The following CUL1 variants were observed in gnomAD, a reference collection of about 807,000 sequenced individuals.
The protein encoded by CUL1 is cullin 1.
Under a neutral mutation model 118.0 loss-of-function variants are expected in CUL1, and 24 were observed. That is an observed-to-expected ratio of 0.20 (90% CI 0.15 to 0.29). The LOEUF (loss-of-function observed/expected upper bound fraction) is 0.29. CUL1 is among the 10% of genes least tolerant of loss of function. The pLI is 1.00. For missense variants in CUL1, 361 were observed against 933.8 expected, an observed-to-expected ratio of 0.39 and a Z score of 7.99; for synonymous variants, 332 against 340.4, an observed-to-expected ratio of 0.98 and a Z score of 0.27.
rs535328276 is a variant in CUL1 at position 148,758,071 on chromosome 7, C to T, written c.483+921C>T. On this transcript the variant is annotated intron_variant, in intron 4 of 21. Transcript: ENST00000325222. ...CACCTGGGGACTTGTTAGAAATGCA[C>T]ATTCTCAGGCCTCATCCTAGACTTA... Among the ~76,000 whole-genome samples, 20 of 152,282 alleles carry T rather than the reference C, an allele frequency of 1.3e-4. No homozygotes were observed. In the East Asian group the frequency reaches 3.9e-3, roughly 29 times the overall value.
intron 1 of CUL1, among the ~76,000 whole-genome samples, chr7:148,723,011 A>G (rs1202481216): frequency 1.3e-5 from 2 of 152,234 alleles, no homozygotes; most frequent in South Asian, 2.1e-4. Context: ...TTAGATTTCT[A>G]CTAAAGTAAT....
chr7:148,746,952 G>T (rs904278788), intron 2 of CUL1, among the ~76,000 whole-genome samples: 1 of 152,184 alleles, frequency 6.6e-6, no homozygotes, highest in Non-Finnish European at 1.5e-5. Context: ...AACTAAGTTT[G>T]ACAAATAGCT....
At chr7:148,789,958 G>A in intron 15 of CUL1, 132 bp downstream of exon 15, 2 of 839,988 alleles carry the variant, frequency 2.4e-6, no homozygotes, top group East Asian at 4.8e-5. Flanking sequence ...AACCATGGGG[G>A]CAACACTCAG....
chr7:148,724,101 A>G (rs989097168), intron 1 of CUL1, among the ~76,000 whole-genome samples: 3 of 152,204 alleles, frequency 2.0e-5, no homozygotes, highest in Non-Finnish European at 4.4e-5. Flanking sequence ...AAGCCCTTCC[A>G]GTATGTATGG....
At chr7:148,735,052 C>T (rs531824811) in intron 2 of CUL1, among the ~76,000 whole-genome samples, 14 of 152,076 alleles carry the variant, frequency 9.2e-5, no homozygotes, top group Non-Finnish European at 1.8e-4. Context: ...CCACTAGCAC[C>T]GTAAGAATCT....
intron 20 of CUL1, among the ~76,000 whole-genome samples, 165 bp from the exon 21 acceptor site, chr7:148,799,110 G>T (rs1243172784): frequency 2.0e-5 from 3 of 152,158 alleles, no homozygotes; most frequent in Admixed American, 2.0e-4. Flanking sequence ...TAGGCAGGTA[G>T]AATTGGTTCC....
At chr7:148,725,218 C>T (rs998913919) in intron 1 of CUL1, among the ~76,000 whole-genome samples, 2 of 131,972 alleles carry the variant, frequency 1.5e-5, no homozygotes, top group Non-Finnish European at 3.1e-5. Flanking sequence ...CACACGCGCG[C>T]GCTCACACAC....
chr7:148,745,760 A>G (rs563785800), intron 2 of CUL1, among the ~76,000 whole-genome samples: 45 of 146,054 alleles, frequency 3.1e-4, no homozygotes, highest in South Asian at 2.4e-3. Context: ...CCAGCTAAAA[A>G]TGAAGAACTA....
chr7:148,750,601 C>T (rs1799457215), intron 2 of CUL1, among the ~76,000 whole-genome samples: 2 of 152,094 alleles, frequency 1.3e-5, no homozygotes, highest in African/African-American at 4.8e-5. Flanking sequence ...TTTCCAGCTT[C>T]ATCCATGTCC....
At chr7:148,767,818 T>A in intron 9 of CUL1, 69 bp downstream of exon 9, 1 of 1,472,048 alleles carries the variant, frequency 6.8e-7, no homozygotes, top group Non-Finnish European at 9.4e-7. Context: ...GCATATGTTA[T>A]GCGTCTCTAC....
Position 148,777,102 on chromosome 7 carries a change from C to G in CUL1, c.1084-6681C>G, listed in dbSNP as rs114525535. Among the ~76,000 whole-genome samples, 223 of 152,284 alleles carry G rather than the reference C, an allele frequency of 1.5e-3. 2 individuals carry two copies. Among genetic ancestry groups the G allele is most frequent in the African/African-American group, 5.2e-3 (217 of 41,546 alleles). On this transcript the variant is annotated intron_variant, in intron 9 of 21. Coordinates refer to ENST00000325222, the MANE Select transcript of CUL1 (RefSeq NM_003592.3). The stretch of plus-strand genomic sequence containing the variant: ...AAAGGCTGAAAACAAGGACTTCAGC[C>G]TCACCTTGAACTAAAGGAAATGTAG...
chr7:148,770,612 G>C (rs2129461200), intron 9 of CUL1, among the ~76,000 whole-genome samples: 1 of 152,282 alleles, frequency 6.6e-6, no homozygotes, highest in Non-Finnish European at 1.5e-5. Context: ...AATGCTGTCT[G>C]TCTGGTGCAT....
At chr7:148,731,843 C>G (rs375214163) in intron 2 of CUL1, among the ~76,000 whole-genome samples, 2 of 152,182 alleles carry the variant, frequency 1.3e-5, no homozygotes, top group African/African-American at 4.8e-5. Context: ...ATCCTTGTAG[C>G]GCGTATCACT....
chr7:148,766,567 G>A lies in CUL1; in HGVS notation c.796G>A (p.Ala266Thr). ...TTGAATTAATTTTCTCCAGGCAGAGGCTCGTCTGCTTGAGGAACAACGAAG... is the reference window on the plus strand; with the variant it reads ...TTGAATTAATTTTCTCCAGGCAGAGACTCGTCTGCTTGAGGAACAACGAAG... Reference protein sequence around the residue: ...PVTEYMKKAEARLLEEQRRVQ... With the variant: ...PVTEYMKKAETRLLEEQRRVQ... The change falls in exon 8 of 22, where the codon GCT (alanine) becomes ACT (threonine). Residue 266 changes from alanine to threonine, a missense_variant. Transcript: ENST00000325222. The A allele has an allele frequency of 1.2e-6, 2 of 1,601,546 alleles. No individual in the cohort carries two copies. Among genetic ancestry groups the A allele is most frequent in the East Asian group, 2.3e-5 (1 of 44,398 alleles).
At chr7:148,790,676 A>C (rs1406844291) in intron 16 of CUL1, among the ~76,000 whole-genome samples, 1 of 152,126 alleles carries the variant, frequency 6.6e-6, no homozygotes, top group Non-Finnish European at 1.5e-5. Flanking sequence ...CATTAATGGG[A>C]GTGTTAGTAC....
At chr7:148,699,250 G>A (rs1044164190) in intron 1 of CUL1, among the ~76,000 whole-genome samples, 1 of 152,010 alleles carries the variant, frequency 6.6e-6, no homozygotes, top group Non-Finnish European at 1.5e-5. Context: ...GAGCGGGGCC[G>A]GGCCCTGAGT....
chr7:148,792,838 G>A lies in CUL1; in HGVS notation c.1899+20G>A, dbSNP rs191172150. ...AAAATGGTATTCTCATCTCAGGCTC[G>A]TTGTTCTATCAGCTTGCCGTTTCCT... On this transcript the variant is annotated intron_variant, in intron 17 of 21. Coordinates refer to ENST00000325222, the MANE Select transcript of CUL1 (RefSeq NM_003592.3). 110 of 1,573,250 alleles carry A rather than the reference G, an allele frequency of 7.0e-5. No individual in the cohort carries two copies. The Admixed American group carries it at 9.0e-4, about 13-fold the overall frequency.
intron 1 of CUL1, among the ~76,000 whole-genome samples, chr7:148,703,876 T>TGCTTTTAAAATATTTTAAAATATTTAA (rs1351917738): frequency 7.9e-5 from 12 of 152,006 alleles, no homozygotes; most frequent in Non-Finnish European, 1.3e-4. Flanking sequence ...TTTAGGGGGG[T>TGCTTTTAAAATATTTTAAAATATTTAA]AAGCTTGGGT....
At chr7:148,737,582 ATTTATTTATTTATT>A (rs1798998235) in intron 2 of CUL1, among the ~76,000 whole-genome samples, 8 of 145,492 alleles carry the variant, frequency 5.5e-5, no homozygotes, top group East Asian at 2.0e-4. Context: ...TTTTATATTT[ATTTATTTATTTATT>A]TATTTATTTA....
Sources: allele counts gnomAD v4.1 joint callset (sites outside exome capture counted in the v4.1 genomes callset), GRCh38; gene constraint gnomAD v4.1.1; transcripts MANE v1.5; gene names NCBI Gene and HGNC (gene_info 2026-07-23, HGNC 2026-07-21).